Variants in NLGN1 observed in about 807,000 individuals in gnomAD.
NLGN1 encodes the protein neuroligin 1.
A neutral mutation model predicts 65.5 loss-of-function variants in NLGN1; 12 were observed. That is an observed-to-expected ratio of 0.18 (90% CI 0.12 to 0.30). The LOEUF is 0.30. Ranked by LOEUF, NLGN1 falls within the 10% of genes least tolerant of loss-of-function variation. The pLI is 1.00. For missense variants in NLGN1, 750 were observed against 1,007.1 expected (o/e 0.74, Z 3.46); for synonymous variants, 350 against 359.5 (o/e 0.97, Z 0.30).
At chr3:173,640,963 T>C (rs558260366) in intron 3 of NLGN1, among the ~76,000 whole-genome samples, 1 of 152,194 alleles carries the variant, frequency 6.6e-6, no homozygotes, top group Non-Finnish European at 1.5e-5. Context: ...GTTAAGACAG[T>C]GCCCATCATA....
intron 4 of NLGN1, among the ~76,000 whole-genome samples, chr3:174,237,126 TTAAA>T (rs1379483789): frequency 1.4e-4 from 21 of 152,082 alleles, no homozygotes; most frequent in African/African-American, 5.1e-4. Context: ...AAGTAGAAAA[TTAAA>T]TAAAGTCTTT....
At chr3:174,157,522 G>A (rs761810383) in intron 4 of NLGN1, among the ~76,000 whole-genome samples, 7 of 151,544 alleles carry the variant, frequency 4.6e-5, no homozygotes, top group Non-Finnish European at 8.9e-5. Context: ...ACCAACGATA[G>A]TTGACGTAAC....
At chr3:173,485,468 T>A in intron 2 of NLGN1, among the ~76,000 whole-genome samples, 1 of 152,208 alleles carries the variant, frequency 6.6e-6, no homozygotes, top group Non-Finnish European at 1.5e-5. Context: ...ATTTTTCAAG[T>A]CCCATAAAAA....
intron 2 of NLGN1, among the ~76,000 whole-genome samples, chr3:173,561,575 A>C (rs958709944): frequency 6.6e-6 from 1 of 152,166 alleles, no homozygotes; most frequent in African/African-American, 2.4e-5. Flanking sequence ...TAATGGCAAA[A>C]ATTAAATATA....
intron 1 of NLGN1, among the ~76,000 whole-genome samples, chr3:173,429,727 C>A (rs910467653): frequency 6.6e-6 from 1 of 152,186 alleles, no homozygotes; most frequent in Admixed American, 6.5e-5. Context: ...GACACCCTTG[C>A]TCAGATTTGC....
chr3:173,580,211 A>G (rs1438403965), intron 2 of NLGN1, among the ~76,000 whole-genome samples: 1 of 152,136 alleles, frequency 6.6e-6, no homozygotes, highest in Non-Finnish European at 1.5e-5. Context: ...TATGAAAACT[A>G]TGCTGCTTCC....
intron 3 of NLGN1, among the ~76,000 whole-genome samples, chr3:173,697,098 G>C (rs924958765): frequency 2.0e-5 from 3 of 152,124 alleles, no homozygotes; most frequent in Non-Finnish European, 2.9e-5. Context: ...TGCCACATTA[G>C]CTTTGATCCT....
chr3:173,721,587 T>C (rs1011828722), intron 3 of NLGN1, among the ~76,000 whole-genome samples: 1 of 152,212 alleles, frequency 6.6e-6, no homozygotes, highest in African/African-American at 2.4e-5. Context: ...TAGGTATTTA[T>C]GAATTATCAC....
chr3:174,092,864 A>C (rs546776002), intron 4 of NLGN1, among the ~76,000 whole-genome samples: 1 of 152,284 alleles, frequency 6.6e-6, no homozygotes, highest in Non-Finnish European at 1.5e-5. Context: ...TCTAACTTCA[A>C]ATCTGTTCTC....
intron 2 of NLGN1, among the ~76,000 whole-genome samples, chr3:173,588,415 C>T (rs970129551): frequency 6.6e-6 from 1 of 152,100 alleles, no homozygotes; most frequent in African/African-American, 2.4e-5. Flanking sequence ...TAATCTCTGC[C>T]TTCAAGAGTC....
chr3:173,976,160 C>T (rs1717401314), intron 4 of NLGN1, among the ~76,000 whole-genome samples: 1 of 151,970 alleles, frequency 6.6e-6, no homozygotes, highest in South Asian at 2.1e-4. Flanking sequence ...AAATGTATTG[C>T]TCTCCTCCTT....
At chr3:174,158,715 G>A (rs1725932433) in intron 4 of NLGN1, among the ~76,000 whole-genome samples, 1 of 151,676 alleles carries the variant, frequency 6.6e-6, no homozygotes, top group Non-Finnish European at 1.5e-5. Flanking sequence ...ATTTTAGAGA[G>A]TGAGGGGCTG....
chr3:174,183,092 G>A (rs975249420), intron 4 of NLGN1, among the ~76,000 whole-genome samples: 6 of 151,312 alleles, frequency 4.0e-5, no homozygotes, highest in African/African-American at 1.5e-4. Context: ...ACCTGCATTC[G>A]CCCAGCTTCA....
At chr3:173,402,875 C>G (rs141028558) in intron 1 of NLGN1, among the ~76,000 whole-genome samples, 2 of 152,096 alleles carry the variant, frequency 1.3e-5, no homozygotes, top group African/African-American at 4.8e-5. Flanking sequence ...TCATCATGGT[C>G]GGTCCCTTGA....
At chr3:174,225,521 G>A (rs1739467507) in intron 4 of NLGN1, among the ~76,000 whole-genome samples, 1 of 152,154 alleles carries the variant, frequency 6.6e-6, no homozygotes, top group African/African-American at 2.4e-5. Flanking sequence ...CATGAGGTCA[G>A]GAGATCAAGA....
At chr3:173,411,106 C>CTGTGCTTT (rs1356473644) in intron 1 of NLGN1, among the ~76,000 whole-genome samples, 2 of 152,174 alleles carry the variant, frequency 1.3e-5, no homozygotes, top group Admixed American at 6.5e-5. Context: ...GGAGGCTGTG[C>CTGTGCTTT]TGTGCTTTAG....
intron 3 of NLGN1, among the ~76,000 whole-genome samples, chr3:173,706,726 A>G (rs1379293745): frequency 6.6e-6 from 1 of 152,250 alleles, no homozygotes; most frequent in Admixed American, 6.5e-5. Context: ...AGATATGAAT[A>G]TAGATCATAT....
intron 3 of NLGN1, among the ~76,000 whole-genome samples, chr3:173,640,546 T>G (rs1757248432): frequency 6.6e-6 from 1 of 152,138 alleles, no homozygotes; most frequent in South Asian, 2.1e-4. Flanking sequence ...AAGGCTATTA[T>G]CATATCTAAG....
intron 2 of NLGN1, among the ~76,000 whole-genome samples, chr3:173,439,523 A>G (rs1232150073): frequency 7.0e-6 from 1 of 142,428 alleles, no homozygotes; most frequent in Admixed American, 7.0e-5. Context: ...AGGACTGCTC[A>G]TTCACCTGCA....
Sources: gnomAD v4.1 joint callset for allele counts (sites outside exome capture counted in the v4.1 genomes callset) on GRCh38, gnomAD v4.1.1 for gene constraint, MANE v1.5 for transcripts, NCBI Gene and HGNC (gene_info 2026-07-23, HGNC 2026-07-21) for gene names.